CHST12: variants seen among roughly 807,000 people sequenced by gnomAD.
CHST12 encodes carbohydrate sulfotransferase 12.
In CHST12, 23 loss-of-function variants were observed where a neutral mutation model predicts 27.9. The ratio of observed to expected loss-of-function variants is 0.82; its 90% CI spans 0.59 to 1.17. The LOEUF (loss-of-function observed/expected upper bound fraction) is 1.17. CHST12 is among the 50% of genes most tolerant of loss of function. The pLI is 0.00. For missense variants in CHST12, 682 were observed against 603.0 expected (o/e 1.13, Z -1.37); for synonymous variants, 322 against 273.0 (o/e 1.18, Z -1.77).
intron 1 of CHST12, among the ~76,000 whole-genome samples, chr7:2,419,165 T>A (rs1781894413): frequency 6.6e-6 from 1 of 152,120 alleles, no homozygotes; most frequent in Non-Finnish European, 1.5e-5. Flanking sequence ...TCCCATCACT[T>A]TGGGAGGCCG....
rs1278653746 is a variant in CHST12, at chr7:2,437,405, C to T, written c.*3521C>T. On this transcript the variant is annotated 3_prime_UTR_variant, in exon 2 of 2. Transcript: ENST00000618655. ...TTCCATCTGCCCCAGGAATTTGACACAGGTGTGACTTGCAGGTTGTGTGGG... is the reference window on the plus strand; with the variant it reads ...TTCCATCTGCCCCAGGAATTTGACATAGGTGTGACTTGCAGGTTGTGTGGG... 6.6e-6 allele frequency: 1 copy of T among 152,322 alleles called. No individual in the cohort carries two copies. The highest frequency in any genetic ancestry group is 1.5e-5 in the Non-Finnish European group (1 of 68,074). The allele number at this position is 152,322 out of a possible 1,614,324, so 9.4% of individuals were successfully genotyped here.
intron 1 of CHST12, among the ~76,000 whole-genome samples, chr7:2,413,060 C>A (rs185936231): frequency 6.6e-6 from 1 of 152,180 alleles, no homozygotes; most frequent in Non-Finnish European, 1.5e-5. Context: ...TTATCAACCA[C>A]TTAGCTGTGT....
intron 1 of CHST12, among the ~76,000 whole-genome samples, chr7:2,419,726 T>C (rs1296352803): frequency 7.0e-6 from 1 of 142,816 alleles, no homozygotes; most frequent in African/African-American, 2.6e-5. Flanking sequence ...AAAAAAAAAA[T>C]TACCATTGTA....
At chr7:2,425,527 G>A (rs1209210616) in intron 1 of CHST12, among the ~76,000 whole-genome samples, 1 of 152,174 alleles carries the variant, frequency 6.6e-6, no homozygotes. Context: ...TGCCTCTGGG[G>A]ATCCATGCCC....
chr7:2,433,309 G>C lies in CHST12; in HGVS notation c.670G>C (p.Gly224Arg). Residue 224 changes from glycine (G) to arginine (R), a missense_variant, in exon 2 of 2, where the codon GGG (glycine) becomes CGG (arginine). Transcript: ENST00000618655. The surrounding 1 kb of genome is among the most constrained non-coding windows in gnomAD (Gnocchi z 6.1). ...CTTCAACAAGTTCTGGCGCCGCTAC[G>C]GGAAGCTCTCCCGCCACCTCATGAA... ...LTFNKFWRRY[G>R]KLSRHLMKVK... 6.2e-7 allele frequency: 1 copy of C among 1,612,584 alleles called. No homozygotes were observed. Among genetic ancestry groups the C allele is most frequent in the Non-Finnish European group, 8.5e-7 (1 of 1,179,500 alleles).
chr7:2,410,925 A>G (rs1279629783), intron 1 of CHST12, among the ~76,000 whole-genome samples: 1 of 152,076 alleles, frequency 6.6e-6, no homozygotes, highest in Non-Finnish European at 1.5e-5. Context: ...TGTGGGCCTG[A>G]GAGCAGAAGC....
intron 1 of CHST12, among the ~76,000 whole-genome samples, chr7:2,428,410 C>T (rs371172623): frequency 6.6e-5 from 10 of 152,154 alleles, no homozygotes; most frequent in African/African-American, 2.2e-4. Context: ...TGGCCAGAAG[C>T]CCACAATGCA....
intron 1 of CHST12, among the ~76,000 whole-genome samples, chr7:2,431,174 G>A (rs938739811): frequency 2.6e-5 from 4 of 152,136 alleles, no homozygotes; most frequent in Non-Finnish European, 2.9e-5. Flanking sequence ...AGGCTCTGTT[G>A]TTTGGTGCAT....
rs1583238318 is a variant in CHST12, at chr7:2,448,456, G to C, written c.*14572G>C. On this transcript the variant is annotated 3_prime_UTR_variant, in exon 2 of 2. Transcript: ENST00000618655. ...TCCTCTTCTGTGTCATATGCAGCTG[G>C]ATCTCAGTAAATGGCAATGTCTTCT... The C allele has an allele frequency of 2.0e-5, 3 of 152,384 alleles. No homozygotes were observed. The South Asian group carries it at 6.2e-4, about 32-fold the overall frequency. 9.4% of individuals were successfully genotyped at this position (152,384 alleles called of 1,614,324 possible).
At position 2,418,752 on chromosome 7, in the gene CHST12, G is replaced by A. The variant is rs115219584; in HGVS notation, c.-77-13811G>A. 1.6e-3 allele frequency among the ~76,000 whole-genome samples: 238 copies of A among 152,082 alleles called. 1 individual carries two copies. Among genetic ancestry groups the A allele is most frequent in the African/African-American group, 4.9e-3 (204 of 41,468 alleles). The stretch of plus-strand genomic sequence containing the variant: ...CAGGCCGGAGCTGTGTCAGTCACTG[G>A]GCCAGACATTCTTGTATGTCCAAGC... On this transcript the variant is annotated intron_variant, in intron 1 of 1. Coordinates refer to ENST00000618655, the MANE Select transcript of CHST12 (RefSeq NM_018641.5).
In CHST12 at chr7:2,434,257, C is replaced by T. The variant is rs571294226; in HGVS notation, c.*373C>T. On this transcript the variant is annotated 3_prime_UTR_variant, in exon 2 of 2. Coordinates refer to ENST00000618655, the MANE Select transcript of CHST12 (RefSeq NM_018641.5). ...GGCGGGGCCTGCACTTGAAGTCAGGCCGCACCTGTCTGTTTTTGGAAGGGT... is the reference window on the plus strand; with the variant it reads ...GGCGGGGCCTGCACTTGAAGTCAGGTCGCACCTGTCTGTTTTTGGAAGGGT... 9 of 186,102 alleles carry T rather than the reference C, an allele frequency of 4.8e-5. No individual in the cohort carries two copies. In the South Asian group the frequency reaches 1.3e-3, roughly 28 times the overall value. The allele number at this position is 186,102 out of a possible 1,614,324, so 11.5% of individuals were successfully genotyped here.
rs1276436843 is a variant in CHST12, at chr7:2,403,653, GCGCGAGGTGAGGGT to G, written c.-84_-78+7del. On this transcript the variant is annotated 5_prime_UTR_variant, in exon 1 of 2. Coordinates refer to ENST00000618655, the MANE Select transcript of CHST12 (RefSeq NM_018641.5). ...GGCGGCTGCGGGCGCGAGGTGAGGGGCGCGAGGTGAGGGTCGCGAGGTGAGGGGCGCGGCGGGCG... is the reference window on the plus strand; with the variant it reads ...GGCGGCTGCGGGCGCGAGGTGAGGGGCGCGAGGTGAGGGGCGCGGCGGGCG... 0.018 allele frequency: 2,762 copies of G among 152,316 alleles called. 47 individuals are homozygous for G. Among genetic ancestry groups the G allele is most frequent in the South Asian group, 0.049 (276 of 5,604 alleles). The allele number at this position is 152,316 out of a possible 1,614,324, so 9.4% of individuals were successfully genotyped here. A position where few individuals can be genotyped will look rare whatever the true frequency, so the allele number is the denominator to read the frequency against.
At chr7:2,407,547 C>T (rs1445609845) in intron 1 of CHST12, among the ~76,000 whole-genome samples, 1 of 152,162 alleles carries the variant, frequency 6.6e-6, no homozygotes, top group Non-Finnish European at 1.5e-5. Flanking sequence ...CCCAAACTTT[C>T]TGGGTTAAAG....
chr7:2,432,141 C>CAAAAAAAAAAAAAAAAAAAAAAA (rs34061454), intron 1 of CHST12, among the ~76,000 whole-genome samples: 1 of 17,112 alleles, frequency 5.8e-5, no homozygotes, highest in Non-Finnish European at 1.0e-4. Context: ...GACTCCATAT[C>CAAAAAAAAAAAAAAAAAAAAAAA]AAAAAAAAAA....
chr7:2,441,738 G>A lies in CHST12; in HGVS notation c.*7854G>A, dbSNP rs962869821. ...AGGTGTTGTATTTTATCATTAGAAG[G>A]CCATCCTGTTTAGAAGAGTGGGTTT... On this transcript the variant is annotated 3_prime_UTR_variant, in exon 2 of 2. Coordinates refer to ENST00000618655, the MANE Select transcript of CHST12 (RefSeq NM_018641.5). 6.6e-6 allele frequency: 1 copy of A among 151,024 alleles called. No homozygotes were observed. The highest frequency in any genetic ancestry group is 6.6e-5 in the Admixed American group (1 of 15,082). 9.4% of individuals were successfully genotyped at this position (151,024 alleles called of 1,614,324 possible).
At position 2,409,128 on chromosome 7, in the gene CHST12, G is replaced by A. The variant is rs144042185; in HGVS notation, c.-78+5455G>A. Reference sequence around the variant, plus strand: ...ACAAGGCGCAGCTGTGGATAGCCTCGCCGCAATGATAGTAATTTATGTAAA... The same window carrying A: ...ACAAGGCGCAGCTGTGGATAGCCTCACCGCAATGATAGTAATTTATGTAAA... On this transcript the variant is annotated intron_variant, in intron 1 of 1. Transcript: ENST00000618655. Among the ~76,000 whole-genome samples, 143 of 152,254 alleles carry A rather than the reference G, an allele frequency of 9.4e-4. 2 individuals are homozygous for A. Among genetic ancestry groups the A allele is most frequent in the Non-Finnish European group, 2.5e-4 (17 of 68,018 alleles).
chr7:2,426,720 G>A (rs561360203), intron 1 of CHST12, among the ~76,000 whole-genome samples: 14 of 151,964 alleles, frequency 9.2e-5, no homozygotes, highest in Non-Finnish European at 2.1e-4. Context: ...GTCCGGGTGT[G>A]GTGGCTTATG....
At chr7:2,404,237 C>T (rs1781460732) in intron 1 of CHST12, 1 of 152,414 alleles carries the variant, frequency 6.6e-6, no homozygotes, top group Non-Finnish European at 1.5e-5. Context: ...AATGACCTCT[C>T]ACTCCAGAAG....
At chr7:2,406,398 C>A (rs1446628852) in intron 1 of CHST12, among the ~76,000 whole-genome samples, 4 of 110,792 alleles carry the variant, frequency 3.6e-5, no homozygotes, top group African/African-American at 1.1e-4. Flanking sequence ...GGGGTGGGGG[C>A]ACAGTTGAGT....
Sources: allele counts gnomAD v4.1 joint callset (sites outside exome capture counted in the v4.1 genomes callset), GRCh38; gene constraint gnomAD v4.1.1; non-coding constraint Gnocchi (gnomAD v3.1); transcripts MANE v1.5; gene names NCBI Gene and HGNC (gene_info 2026-07-23, HGNC 2026-07-21).